The following NDST3 variants were observed in gnomAD, a reference collection of about 807,000 sequenced individuals.
NDST3 encodes N-deacetylase and N-sulfotransferase 3.
A neutral mutation model predicts 96.1 loss-of-function variants in NDST3; 58 were observed. That is an observed-to-expected ratio of 0.60 (90% CI 0.49 to 0.75). NDST3 has a LOEUF of 0.75. Ranked by LOEUF, NDST3 falls within the 30% of genes least tolerant of loss-of-function variation. The pLI, the probability that NDST3 is intolerant of heterozygous loss-of-function variation, is 0.00. For synonymous variants in NDST3, 333 were observed against 359.7 expected, an observed-to-expected ratio of 0.93 and a Z score of 0.84; for missense variants, 788 against 1,034.2, an observed-to-expected ratio of 0.76 and a Z score of 3.27.
chr4:118,163,126 A>G (rs989935255), intron 6 of NDST3, among the ~76,000 whole-genome samples: 32 of 152,218 alleles, frequency 2.1e-4, no homozygotes, highest in African/African-American at 7.7e-4. Context: ...GATGTGGAGA[A>G]ATTGGAACAC....
intron 4 of NDST3, among the ~76,000 whole-genome samples, chr4:118,122,156 T>C (rs2125875392): frequency 6.6e-6 from 1 of 152,308 alleles, no homozygotes; most frequent in Non-Finnish European, 1.5e-5. Context: ...CAAATTTATG[T>C]GGACACAAAA....
At chr4:118,254,263 AATCC>A (rs1379682865) in intron 13 of NDST3, among the ~76,000 whole-genome samples, 1 of 87,300 alleles carries the variant, frequency 1.1e-5, no homozygotes, top group Non-Finnish European at 2.7e-5. Flanking sequence ...AAAAAAAAAA[AATCC>A]TATTTTTTTG....
chr4:118,091,107 A>T (rs1280208232), intron 2 of NDST3, among the ~76,000 whole-genome samples: 1 of 151,512 alleles, frequency 6.6e-6, no homozygotes, highest in Admixed American at 6.6e-5. Context: ...CAAAGAAGAG[A>T]GCAGTAGATA....
chr4:118,058,628 TGTGTGTGC>T (rs1452135145), intron 2 of NDST3, among the ~76,000 whole-genome samples: 6,686 of 101,288 alleles, frequency 0.066, 232 homozygotes, highest in Middle Eastern at 0.11. Context: ...TGTGTGTGTG[TGTGTGTGC>T]GCGCGCGCGC....
In NDST3 at chr4:118,220,556, G is replaced by A. The variant is rs747970073; in HGVS notation, c.1540-3935G>A. Reference sequence around the variant, plus strand: ...TAGGCAGCAAACCACCATGGCAAACGTATACCTAGGTAACAAACCTACACG... The same window carrying A: ...TAGGCAGCAAACCACCATGGCAAACATATACCTAGGTAACAAACCTACACG... On this transcript the variant is annotated intron_variant, in intron 6 of 13. Transcript: ENST00000296499. Among the ~76,000 whole-genome samples the A allele has an allele frequency of 6.6e-5, 10 of 151,840 alleles. No individual in the cohort carries two copies. In the South Asian group the frequency reaches 1.0e-3, roughly 16 times the overall value.
At chr4:118,056,726 A>G (rs2110454966) in intron 2 of NDST3, among the ~76,000 whole-genome samples, 1 of 152,098 alleles carries the variant, frequency 6.6e-6, no homozygotes, top group South Asian at 2.1e-4. Flanking sequence ...AGTCATAGGA[A>G]AGCACATTGT....
At chr4:118,076,654 T>A (rs1727559624) in intron 2 of NDST3, among the ~76,000 whole-genome samples, 1 of 152,172 alleles carries the variant, frequency 6.6e-6, no homozygotes, top group Admixed American at 6.5e-5. Flanking sequence ...ATCAGTTTGG[T>A]TCTTTCTTAA....
intron 7 of NDST3, among the ~76,000 whole-genome samples, chr4:118,225,993 T>A (rs566992518): frequency 6.6e-6 from 1 of 152,190 alleles, no homozygotes; most frequent in Non-Finnish European, 1.5e-5. Flanking sequence ...ACTGTTTTTT[T>A]GTTTTTTTTT....
intron 6 of NDST3, among the ~76,000 whole-genome samples, chr4:118,178,514 C>A (rs564011249): frequency 6.6e-6 from 1 of 152,072 alleles, no homozygotes; most frequent in African/African-American, 2.4e-5. Flanking sequence ...TCAGAATTTT[C>A]TTCCTTTTTA....
chr4:118,150,438 A>C (rs1186620315), intron 6 of NDST3, among the ~76,000 whole-genome samples: 4 of 152,120 alleles, frequency 2.6e-5, no homozygotes, highest in Non-Finnish European at 4.4e-5. Context: ...CTACCATCAG[A>C]GTGAACAAGC....
intron 12 of NDST3, among the ~76,000 whole-genome samples, chr4:118,246,374 G>A (rs1741310069): frequency 6.6e-6 from 1 of 152,240 alleles, no homozygotes; most frequent in African/African-American, 2.4e-5. Flanking sequence ...GCAAGGCCGT[G>A]GCAGATGGGT....
chr4:118,093,453 G>A (rs1729043587), intron 2 of NDST3, among the ~76,000 whole-genome samples: 3 of 151,744 alleles, frequency 2.0e-5, no homozygotes, highest in Non-Finnish European at 4.4e-5. Flanking sequence ...CCTTTACCAT[G>A]TTCATTATTA....
At chr4:118,041,632 A>G (rs1400426910) in intron 1 of NDST3, among the ~76,000 whole-genome samples, 2 of 152,164 alleles carry the variant, frequency 1.3e-5, no homozygotes, top group Non-Finnish European at 2.9e-5. Flanking sequence ...TGTCTGTGGG[A>G]ACTCTCTGAC....
At chr4:118,068,247 A>C (rs1175584930) in intron 2 of NDST3, among the ~76,000 whole-genome samples, 3 of 139,606 alleles carry the variant, frequency 2.1e-5, no homozygotes, top group Non-Finnish European at 4.5e-5. Flanking sequence ...GCTCAAGCTC[A>C]GCCTTCCAAG....
At chr4:118,253,231 A>C (rs919093266) in intron 12 of NDST3, among the ~76,000 whole-genome samples, 1 of 152,188 alleles carries the variant, frequency 6.6e-6, no homozygotes, top group African/African-American at 2.4e-5. Flanking sequence ...ATTAATTTCT[A>C]TTAATAGGAG....
At chr4:118,122,543 T>A (rs1390673408) in intron 4 of NDST3, among the ~76,000 whole-genome samples, 1 of 152,144 alleles carries the variant, frequency 6.6e-6, no homozygotes, top group Non-Finnish European at 1.5e-5. Context: ...CCATCTCTAC[T>A]TCACTTCCAA....
chr4:118,172,325 T>C (rs1197875908), intron 6 of NDST3, among the ~76,000 whole-genome samples: 1 of 152,156 alleles, frequency 6.6e-6, no homozygotes, highest in Non-Finnish European at 1.5e-5. Context: ...TGATTCCACT[T>C]CTAGGGATGT....
intron 6 of NDST3, among the ~76,000 whole-genome samples, chr4:118,147,003 G>T (rs747703394): frequency 1.9e-4 from 29 of 152,136 alleles, no homozygotes; most frequent in Non-Finnish European, 4.1e-4. Flanking sequence ...ACAATAATTT[G>T]CAATATAATT....
chr4:118,102,089 G>GA (rs1294900900), intron 2 of NDST3, among the ~76,000 whole-genome samples: 3 of 151,138 alleles, frequency 2.0e-5, no homozygotes, highest in Non-Finnish European at 4.4e-5. Context: ...TATTTATTGA[G>GA]AAAAAATGGA....
Sources: allele counts gnomAD v4.1 joint callset (sites outside exome capture counted in the v4.1 genomes callset), GRCh38; gene constraint gnomAD v4.1.1; transcripts MANE v1.5; gene names NCBI Gene and HGNC (gene_info 2026-07-23, HGNC 2026-07-21).